The following FBXO11 variants were observed in gnomAD, a reference collection of about 807,000 sequenced individuals.
FBXO11 encodes the protein F-box protein 11.
Under a neutral mutation model 117.0 loss-of-function variants are expected in FBXO11, and 13 were observed. The ratio of observed to expected loss-of-function variants is 0.11; its 90% CI spans 0.07 to 0.18. FBXO11 has a LOEUF of 0.18. FBXO11 is among the 10% of genes least tolerant of loss of function. FBXO11 has a pLI of 1.00. For missense variants in FBXO11, 767 were observed against 1,164.4 expected (o/e 0.66, Z 4.97); for synonymous variants, 490 against 380.5 (o/e 1.29, Z -3.35).
chr2:47,814,004 TGAGAA>T (rs1390380033), intron 16 of FBXO11, 137 bp from the exon 17 acceptor site: 6 of 636,610 alleles, frequency 9.4e-6, no homozygotes, highest in Non-Finnish European at 1.4e-5. Flanking sequence ...CAAGATGCCC[TGAGAA>T]GAAAGTGGTT....
At chr2:47,884,698 T>G (rs1414899569) in intron 1 of FBXO11, among the ~76,000 whole-genome samples, 1 of 152,148 alleles carries the variant, frequency 6.6e-6, no homozygotes, top group Non-Finnish European at 1.5e-5. Flanking sequence ...CAGTGTAACT[T>G]CAGGTATTTT....
intron 1 of FBXO11, among the ~76,000 whole-genome samples, chr2:47,848,157 A>AAC (rs371161260): frequency 0.076 from 11,474 of 151,640 alleles, 592 homozygotes; most frequent in Non-Finnish European, 0.11. Context: ...AAAACAACCA[A>AAC]ACACACACAC....
intron 1 of FBXO11, among the ~76,000 whole-genome samples, chr2:47,842,051 T>C (rs894499412): frequency 1.3e-5 from 2 of 149,032 alleles, no homozygotes; most frequent in Non-Finnish European, 3.0e-5. Context: ...AGTCTCGCCC[T>C]GTTGCCCAGG....
intron 13 of FBXO11, among the ~76,000 whole-genome samples, chr2:47,821,416 C>G (rs1274720816): frequency 6.6e-6 from 1 of 152,126 alleles, no homozygotes; most frequent in Non-Finnish European, 1.5e-5. Context: ...CGAGACCATC[C>G]TGGCTAACAT....
intron 7 of FBXO11, among the ~76,000 whole-genome samples, chr2:47,834,217 G>A (rs141862797): frequency 1.6e-4 from 24 of 152,242 alleles, no homozygotes; most frequent in Non-Finnish European, 2.4e-4. Flanking sequence ...ACGCATGGTG[G>A]TGCATGCCTA....
rs779065786 is a variant in FBXO11 at position 47,810,347 on chromosome 2, C to T, written c.2307G>A (p.Arg769=). 44 of 1,608,442 alleles carry T rather than the reference C, an allele frequency of 2.7e-5. No homozygotes were observed. The Middle Eastern group carries it at 8.3e-4, about 30-fold the overall frequency. The change falls in exon 19 of 23, where the codon AGG becomes AGA. Residue 769 remains arginine (R), a synonymous_variant. Transcript: ENST00000403359. ...LISTNSHPIL[R]KNRIFDGFAA... is the part of the protein sequence containing the mutation. ...CAAATCCATCAAATATTCTGTTTTT[C>T]CTTAAGATTGGATGACTATTAGTGC...
At chr2:47,882,039 C>A (rs1030679952) in intron 1 of FBXO11, among the ~76,000 whole-genome samples, 1 of 152,076 alleles carries the variant, frequency 6.6e-6, no homozygotes, top group African/African-American at 2.4e-5. Flanking sequence ...TGAGTCACCA[C>A]GCCCAGCCCA....
chr2:47,877,042 G>T (rs538888274), intron 1 of FBXO11, among the ~76,000 whole-genome samples: 8 of 144,376 alleles, frequency 5.5e-5, no homozygotes, highest in African/African-American at 7.6e-5. Flanking sequence ...TTAATACAGG[G>T]TTTTTTTTTT....
At chr2:47,875,007 GAA>G (rs777979460) in intron 1 of FBXO11, among the ~76,000 whole-genome samples, 6 of 151,662 alleles carry the variant, frequency 4.0e-5, no homozygotes, top group Non-Finnish European at 8.8e-5. Context: ...TTAAGTCTGA[GAA>G]AATTCATACA....
intron 1 of FBXO11, among the ~76,000 whole-genome samples, chr2:47,844,078 T>C (rs1468213726): frequency 6.6e-6 from 1 of 152,190 alleles, no homozygotes; most frequent in Non-Finnish European, 1.5e-5. Flanking sequence ...TGCTAGACTT[T>C]TGCTTTTCAG....
At chr2:47,889,802 T>C (rs1181073080) in intron 1 of FBXO11, among the ~76,000 whole-genome samples, 2 of 152,124 alleles carry the variant, frequency 1.3e-5, no homozygotes, top group Non-Finnish European at 2.9e-5. Flanking sequence ...ACCACTAGGG[T>C]ACCTTCAGAA....
chr2:47,840,908 G>GA (rs985880400), intron 1 of FBXO11, among the ~76,000 whole-genome samples: 13 of 151,772 alleles, frequency 8.6e-5, no homozygotes, highest in African/African-American at 3.1e-4. Context: ...CCATCATGTT[G>GA]AAAACTTGTA....
At chr2:47,863,443 G>A (rs1034186453) in intron 1 of FBXO11, among the ~76,000 whole-genome samples, 1 of 152,104 alleles carries the variant, frequency 6.6e-6, no homozygotes, top group African/African-American at 2.4e-5. Flanking sequence ...AAACTTAAGC[G>A]AAACCTATAA....
chr2:47,833,739 G>A (rs1672347130), intron 7 of FBXO11, among the ~76,000 whole-genome samples: 1 of 152,046 alleles, frequency 6.6e-6, no homozygotes, highest in Non-Finnish European at 1.5e-5. Flanking sequence ...TAAAAACATA[G>A]CAATAGAAAT....
At chr2:47,833,471 T>C (rs990582624) in intron 7 of FBXO11, among the ~76,000 whole-genome samples, 2 of 152,092 alleles carry the variant, frequency 1.3e-5, no homozygotes, top group South Asian at 4.1e-4. Context: ...CAGACAAACA[T>C]TTGCTCTAAT....
intron 1 of FBXO11, among the ~76,000 whole-genome samples, chr2:47,901,140 T>C (rs544950761): frequency 1.1e-3 from 154 of 134,886 alleles, no homozygotes; most frequent in African/African-American, 3.7e-3. Context: ...TGTATATATA[T>C]ACACACGTGT....
At chr2:47,863,892 G>C (rs1674986298) in intron 1 of FBXO11, among the ~76,000 whole-genome samples, 1 of 151,296 alleles carries the variant, frequency 6.6e-6, no homozygotes, top group Non-Finnish European at 1.5e-5. Flanking sequence ...AGTGAGCCAA[G>C]ATTGTGCCAA....
In FBXO11 at chr2:47,866,245, CAAAA is replaced by C. The variant is rs57654823; in HGVS notation, c.233-26480_233-26477del. Among the ~76,000 whole-genome samples, 177 of 58,442 alleles carry C rather than the reference CAAAA, an allele frequency of 3.0e-3. 1 individual carries two copies. Among genetic ancestry groups the C allele is most frequent in the African/African-American group, 0.01 (170 of 16,588 alleles). 38.3% of individuals were successfully genotyped at this position (58,442 alleles called of 152,430 possible). On this transcript the variant is annotated intron_variant, in intron 1 of 22. Coordinates refer to ENST00000403359, the MANE Select transcript of FBXO11 (RefSeq NM_001190274.2). ...TGGACAAGTCAGACCCCTTCTGCTT[CAAAA>C]AAAAAAAAAAAAAAAAAAGTGGGAA...
At chr2:47,889,517 G>A (rs1403753139) in intron 1 of FBXO11, among the ~76,000 whole-genome samples, 1 of 152,076 alleles carries the variant, frequency 6.6e-6, no homozygotes, top group Non-Finnish European at 1.5e-5. Context: ...TGTGAGATGA[G>A]TCAATTAAAA....
Sources: gnomAD v4.1 joint callset for allele counts (sites outside exome capture counted in the v4.1 genomes callset) on GRCh38, gnomAD v4.1.1 for gene constraint, MANE v1.5 for transcripts, NCBI Gene and HGNC (gene_info 2026-07-23, HGNC 2026-07-21) for gene names.